PLK3: variants seen among roughly 807,000 people sequenced by gnomAD.
PLK3 encodes the protein polo like kinase 3.
PLK3 carries 41 observed loss-of-function variants against 71.6 expected under a neutral mutation model. That is an observed-to-expected ratio of 0.57 (90% CI 0.45 to 0.74). The LOEUF (loss-of-function observed/expected upper bound fraction) is 0.74. Among genes scored for constraint, PLK3 ranks in the 30% least tolerant of loss-of-function variants. The probability of loss-of-function intolerance (pLI) is 0.00; values close to 1 mark genes in which losing one functional copy is unlikely to be tolerated. For missense variants in PLK3, 791 were observed against 875.6 expected (o/e 0.90, Z 1.22); for synonymous variants, 366 against 355.4 (o/e 1.03, Z -0.33).
In PLK3 at chr1:44,802,971, G is replaced by A. The variant is rs764918727; in HGVS notation, c.766G>A (p.Gly256Arg). 2.0e-5 allele frequency: 33 copies of A among 1,613,956 alleles called. No individual in the cohort carries two copies. Among genetic ancestry groups the A allele is most frequent in the Middle Eastern group, 1.6e-4 (1 of 6,062 alleles). The change falls in exon 7 of 15, where the codon GGG (glycine) becomes AGG (arginine). Residue 256 changes from glycine (G) to arginine (R), a missense_variant. Coordinates refer to ENST00000372201, the MANE Select transcript of PLK3 (RefSeq NM_004073.4). ...LGCVMYTLLCGSPPFETADLK... is the reference protein window; with the variant it reads ...LGCVMYTLLCRSPPFETADLK... ...GCCCTATAGGTACACGCTGCTCTGC[G>A]GGAGCCCTCCCTTTGAGACGGCTGA...
At chr1:44,805,232 C>T in intron 13 of PLK3, 34 bp from the exon 14 acceptor site, 2 of 1,445,916 alleles carry the variant, frequency 1.4e-6, no homozygotes, top group Non-Finnish European at 1.9e-6. Context: ...CTGTCTCACG[C>T]TGGATCAGTG....
At position 44,803,556 on chromosome 1, in the gene PLK3, G is replaced by A; in HGVS notation, c.1073-44G>A. ...TGTGTCATCCCTGTCGGAAGTGGAG[G>A]GGCTGGGCAGGATACTGAGGACGGT... On this transcript the variant is annotated intron_variant, in intron 8 of 14. Coordinates refer to ENST00000372201, the MANE Select transcript of PLK3 (RefSeq NM_004073.4). This position sits in a 1 kb window ranked among gnomAD's most constrained non-coding sequence, Gnocchi z 4.3. 1 of 1,587,978 alleles carries A rather than the reference G, an allele frequency of 6.3e-7. No homozygotes were observed. Among genetic ancestry groups the A allele is most frequent in the Admixed American group, 1.7e-5 (1 of 59,542 alleles).
intron 13 of PLK3, 57 bp downstream of exon 13, chr1:44,804,836 T>G (rs780693574): frequency 6.3e-7 from 1 of 1,576,058 alleles, no homozygotes; most frequent in Non-Finnish European, 8.7e-7. Flanking sequence ...CCGGGTGCGG[T>G]GGCTCACGCC....
chr1:44,804,654 GT>G lies in PLK3; in HGVS notation c.1511del (p.Val504GlyfsTer41). 6.2e-7 allele frequency: 1 copy of G among 1,613,872 alleles called. No homozygotes were observed. The highest frequency in any genetic ancestry group is 8.5e-7 in the Non-Finnish European group (1 of 1,179,840). On this transcript the variant is annotated frameshift_variant, in exon 13 of 15. Transcript: ENST00000372201. LOFTEE classifies it high-confidence loss of function. ...ACCTCTGCCTCCCCATTCTAGGACTGTGCACTACAATCCCACCAGCACAAAG... is the reference window on the plus strand; with the variant it reads ...ACCTCTGCCTCCCCATTCTAGGACTGGCACTACAATCCCACCAGCACAAAG... ...HMALSANRKT[V>X]HYNPTSTKHF...
Position 44,804,339 on chromosome 1 carries a change from C to A in PLK3, c.1343C>A (p.Ala448Glu), listed in dbSNP as rs138312429. 6.2e-7 allele frequency: 1 copy of A among 1,613,966 alleles called. No homozygotes were observed. The highest frequency in any genetic ancestry group is 1.7e-5 in the Admixed American group (1 of 60,002). ...CTGACTCCCTCCTCTCCCATGACAG[C>A]GGAACAGAACCCGGCCCCCCTGGCC... ...LRNCIAFMPP[A>E]EQNPAPLAQP... Residue 448 changes from alanine to glutamate, a missense_variant and splice_region_variant, in exon 12 of 15, where the codon GCG (alanine) becomes GAG (glutamate). Physicochemically the swap from Ala to Glu is moderately radical, Grantham distance 107. Coordinates refer to ENST00000372201, the MANE Select transcript of PLK3 (RefSeq NM_004073.4).
At position 44,801,825 on chromosome 1, in the gene PLK3, A is replaced by G. The variant is rs772646740; in HGVS notation, c.566-20A>G. On this transcript the variant is annotated intron_variant, in intron 4 of 14. Coordinates refer to ENST00000372201, the MANE Select transcript of PLK3 (RefSeq NM_004073.4). The stretch of plus-strand genomic sequence containing the variant: ...AGGGAGGAAGGAAAGAATCTGACAC[A>G]CCTCTCTTGCCCCATCTAGGAAATT... 6.2e-7 allele frequency: 1 copy of G among 1,611,798 alleles called. No homozygotes were observed. The highest frequency in any genetic ancestry group is 8.5e-7 in the Non-Finnish European group (1 of 1,178,512).
intron 6 of PLK3, 46 bp downstream of exon 6, chr1:44,802,901 G>A: frequency 6.2e-7 from 1 of 1,602,242 alleles, no homozygotes; most frequent in East Asian, 2.2e-5. Context: ...TGGTGGGTGT[G>A]TGGGTGGAGC....
At position 44,805,582 on chromosome 1, in the gene PLK3, C is replaced by A; in HGVS notation, c.1845C>A (p.Tyr615Ter). 6.2e-7 allele frequency: 1 copy of A among 1,614,206 alleles called. No individual in the cohort carries two copies. Among genetic ancestry groups the A allele is most frequent in the Non-Finnish European group, 8.5e-7 (1 of 1,179,992 alleles). ...FVARNRSACT[Y>*]LASHLRQLGC... ...CCCGAAATCGTAGTGCTTGTACTTA[C>A]CTCGCTTCCCACCTTCGGCAGCTGG... The change falls in exon 15 of 15, where the codon TAC becomes TAA. Residue 615 changes from tyrosine to a stop codon, truncating the protein, a stop_gained. Transcript: ENST00000372201. LOFTEE classifies it high-confidence loss of function.
At position 44,803,495 on chromosome 1, in the gene PLK3, G is replaced by A; in HGVS notation, c.1072+104G>A. 1 of 1,587,888 alleles carries A rather than the reference G, an allele frequency of 6.3e-7. No individual in the cohort carries two copies. The highest frequency in any genetic ancestry group is 8.6e-7 in the Non-Finnish European group (1 of 1,158,622). On this transcript the variant is annotated intron_variant, in intron 8 of 14. Coordinates refer to ENST00000372201, the MANE Select transcript of PLK3 (RefSeq NM_004073.4). The surrounding 1 kb of genome is among the most constrained non-coding windows in gnomAD (Gnocchi z 4.3). Reference sequence around the variant, plus strand: ...GGGTGCCTGGAAACTCCTGGGGAGAGCATGTGCAGTACAGGCACTTGGGGA... The same window carrying A: ...GGGTGCCTGGAAACTCCTGGGGAGAACATGTGCAGTACAGGCACTTGGGGA...
In PLK3 at chr1:44,800,436, C is replaced by T. The variant is rs1170680530; in HGVS notation, c.-28C>T. ...CCGGGGCCGGGCGGAACCGAGAAGC[C>T]GGGACCGCGCTGCGACGCGCCGGCC... is the stretch of plus-strand genomic sequence containing the variant. On this transcript the variant is annotated 5_prime_UTR_variant, in exon 1 of 15. Coordinates refer to ENST00000372201, the MANE Select transcript of PLK3 (RefSeq NM_004073.4). This position sits in a 1 kb window ranked among gnomAD's most constrained non-coding sequence, Gnocchi z 6.5. 6.1e-6 allele frequency: 8 copies of T among 1,318,134 alleles called. No individual in the cohort carries two copies. In the Admixed American group the frequency reaches 2.5e-4, roughly 41 times the overall value. The allele number at this position is 1,318,134 out of a possible 1,614,324, so 81.7% of individuals were successfully genotyped here.
rs1457508929 is a variant in PLK3 at position 44,803,605 on chromosome 1, A to T, written c.1078A>T (p.Asn360Tyr). Residue 360 changes from asparagine to tyrosine, a missense_variant, in exon 9 of 15, where the codon AAT becomes TAT. Asn to Tyr is a moderately radical substitution (Grantham distance 143). Transcript: ENST00000372201. This position sits in a 1 kb window ranked among gnomAD's most constrained non-coding sequence, Gnocchi z 4.3. ...SLFGRKKKSK[N>Y]HAQERDEVSG... The stretch of plus-strand genomic sequence containing the variant: ...GTATCACCTTTCACCCCCAGGTAAG[A>T]ATCATGCCCAGGAGAGGGATGAGGT... 1 of 1,613,642 alleles carries T rather than the reference A, an allele frequency of 6.2e-7. No individual in the cohort carries two copies. The highest frequency in any genetic ancestry group is 1.1e-5 in the South Asian group (1 of 91,066).
Position 44,803,405 on chromosome 1 carries a change from G to A in PLK3, c.1072+14G>A, listed in dbSNP as rs771413266. 6.2e-7 allele frequency: 1 copy of A among 1,613,894 alleles called. No individual in the cohort carries two copies. Among genetic ancestry groups the A allele is most frequent in the Non-Finnish European group, 8.5e-7 (1 of 1,179,958 alleles). ...GAAAGAAGAAGAGTGAGTCTGGGGT[G>A]TCAGTGGGTTGAGGGGGCAGAGCAG... On this transcript the variant is annotated intron_variant, in intron 8 of 14. Coordinates refer to ENST00000372201, the MANE Select transcript of PLK3 (RefSeq NM_004073.4). This position sits in a 1 kb window ranked among gnomAD's most constrained non-coding sequence, Gnocchi z 4.3.
chr1:44,802,692 G>C, intron 5 of PLK3, 68 bp from the exon 6 acceptor site: 1 of 1,055,166 alleles, frequency 9.5e-7, no homozygotes, highest in Non-Finnish European at 1.5e-6. Flanking sequence ...GACTAACAGT[G>C]GGGGAAGGAG....
Position 44,804,653 on chromosome 1 carries a change from T to C in PLK3, c.1509T>C (p.Thr503=). 1 of 1,613,826 alleles carries C rather than the reference T, an allele frequency of 6.2e-7. No individual in the cohort carries two copies. Among genetic ancestry groups the C allele is most frequent in the Non-Finnish European group, 8.5e-7 (1 of 1,179,818 alleles). ...THMALSANRK[T]VHYNPTSTKH... ...GACCTCTGCCTCCCCATTCTAGGAC[T>C]GTGCACTACAATCCCACCAGCACAA... Residue 503 remains threonine (T), a synonymous_variant, in exon 13 of 15, where the codon ACT becomes ACC. Coordinates refer to ENST00000372201, the MANE Select transcript of PLK3 (RefSeq NM_004073.4).
At chr1:44,801,258 G>C in intron 3 of PLK3, 106 bp downstream of exon 3, 1 of 690,844 alleles carries the variant, frequency 1.4e-6, no homozygotes, top group Non-Finnish European at 2.3e-6. Flanking sequence ...TGCCCAGGCT[G>C]GAGTGCAGTG....
At chr1:44,804,876 C>T (rs1396607809) in intron 13 of PLK3, 97 bp downstream of exon 13, 13 of 1,212,244 alleles carry the variant, frequency 1.1e-5, no homozygotes, top group Admixed American at 9.6e-5. Flanking sequence ...GAGGCCGAGG[C>T]GGGTGGATTA....
chr1:44,800,687 C>T lies in PLK3; in HGVS notation c.210+14C>T. 5.8e-6 allele frequency: 9 copies of T among 1,551,508 alleles called. No individual in the cohort carries two copies. The highest frequency in any genetic ancestry group is 6.9e-6 in the Non-Finnish European group (8 of 1,153,026). ...TTGTTGGGCAAGGTGGGCCGAGGGACGTCCGCGGGGTGGTGATGGTGGAGG... is the reference window on the plus strand; with the variant it reads ...TTGTTGGGCAAGGTGGGCCGAGGGATGTCCGCGGGGTGGTGATGGTGGAGG... On this transcript the variant is annotated intron_variant, in intron 1 of 14. Coordinates refer to ENST00000372201, the MANE Select transcript of PLK3 (RefSeq NM_004073.4). This position sits in a 1 kb window ranked among gnomAD's most constrained non-coding sequence, Gnocchi z 6.5.
In PLK3 at chr1:44,805,378, A is replaced by T. The variant is rs1484256317; in HGVS notation, c.1748A>T (p.Gln583Leu). ...LLMLFSDGTV[Q>L]VNFYGDHTKL... ...ATGCTGTTTAGTGATGGCACTGTCC[A>T]GGTAAGAGCCTATCCAGGAGTTGCG... is the stretch of plus-strand genomic sequence containing the variant. The change falls in exon 14 of 15, where the codon CAG (glutamine) becomes CTG (leucine). Residue 583 changes from glutamine to leucine, a missense_variant and splice_region_variant. By Grantham distance (113) the Gln-to-Leu change is moderately radical. Transcript: ENST00000372201. 3 of 1,612,382 alleles carry T rather than the reference A, an allele frequency of 1.9e-6. No individual in the cohort carries two copies. Among genetic ancestry groups the T allele is most frequent in the Admixed American group, 1.7e-5 (1 of 60,018 alleles).
chr1:44,801,504 A>C, intron 3 of PLK3, 118 bp from the exon 4 acceptor site: 1 of 1,121,022 alleles, frequency 8.9e-7, no homozygotes. Flanking sequence ...CACTACACCC[A>C]GCCGAGAAGA....
Sources: allele counts gnomAD v4.1 joint callset, GRCh38; gene constraint gnomAD v4.1.1; non-coding constraint Gnocchi (gnomAD v3.1); transcripts MANE v1.5; gene names NCBI Gene and HGNC (gene_info 2026-07-23, HGNC 2026-07-21).